PIGO: variants seen among roughly 807,000 people sequenced by gnomAD.
PIGO encodes GPI ethanolamine phosphate transferase 3, catalytic subunit.
Under a neutral mutation model 86.9 loss-of-function variants are expected in PIGO, and 66 were observed. The ratio of observed to expected loss-of-function variants is 0.76; its 90% CI spans 0.62 to 0.93. The LOEUF is 0.93. Among genes scored for constraint, PIGO ranks in the 40% least tolerant of loss-of-function variants. PIGO has a pLI of 0.00. For missense variants in PIGO, 1,202 were observed against 1,359.1 expected, an observed-to-expected ratio of 0.88 and a Z score of 1.82; for synonymous variants, 570 against 556.4, an observed-to-expected ratio of 1.02 and a Z score of -0.34.
In PIGO at chr9:35,091,571, G is replaced by A. The variant is rs761210725; in HGVS notation, c.2316C>T (p.Gly772=). 1.9e-5 allele frequency: 30 copies of A among 1,613,872 alleles called. No homozygotes were observed. Among genetic ancestry groups the A allele is most frequent in the Middle Eastern group, 3.3e-4 (2 of 6,084 alleles). ...PVTVLVKAGA[G]APRTRTVLTP... The stretch of plus-strand genomic sequence containing the variant: ...TGAGGACAGTCCTGGTCCTTGGAGC[G>A]CCTGCCCCAGCCTTCACCAGCACTG... Residue 772 remains glycine, a synonymous_variant, in exon 7 of 11, where the codon GGC becomes GGT. Coordinates refer to ENST00000378617, the MANE Select transcript of PIGO (RefSeq NM_032634.4).
Position 35,092,078 on chromosome 9 carries a change from G to A in PIGO, c.1809C>T (p.Pro603=), listed in dbSNP as rs148443358. The part of the protein sequence containing the change: ...QLLPPKLLTM[P]RLGTSATTNP... ...TTGTTGTGGCTGAAGTGCCAAGGCG[G>A]GGCATTGTGAGTAGCTTAGGTGGAA... Residue 603 remains proline, a synonymous_variant, in exon 7 of 11, where the codon CCC becomes CCT. Transcript: ENST00000378617. 6.2e-7 allele frequency: 1 copy of A among 1,614,120 alleles called. No individual in the cohort carries two copies. Among genetic ancestry groups the A allele is most frequent in the Non-Finnish European group, 8.5e-7 (1 of 1,180,052 alleles).
At position 35,091,400 on chromosome 9, in the gene PIGO, C is replaced by T; in HGVS notation, c.2487G>A (p.Gly829=). ...TGACCATAGCAGCTGAGTAGACACT[C>T]CCCAACTGATAAGCAGCCACAGTCA... ...GPLTVAAYQL[G]SVYSAAMVTA... is the part of the protein sequence containing the mutation. Residue 829 remains glycine (G), a synonymous_variant, in exon 7 of 11, where the codon GGG becomes GGA. Coordinates refer to ENST00000378617, the MANE Select transcript of PIGO (RefSeq NM_032634.4). 6.2e-7 allele frequency: 1 copy of T among 1,614,194 alleles called. No homozygotes were observed. Among genetic ancestry groups the T allele is most frequent in the East Asian group, 2.2e-5 (1 of 44,886 alleles).
Position 35,090,460 on chromosome 9 carries a change from G to A in PIGO, c.2854+6C>T. 1.2e-6 allele frequency: 2 copies of A among 1,606,232 alleles called. No individual in the cohort carries two copies. Among genetic ancestry groups the A allele is most frequent in the South Asian group, 1.1e-5 (1 of 90,692 alleles). ...CAATGGAAGCAAGTGAAGGAGGAGG[G>A]GGTACCTGCAAAGAGGAGGTGGGAG... On this transcript the variant is annotated splice_donor_region_variant and intron_variant, in intron 8 of 10. Transcript: ENST00000378617.
At chr9:35,095,655 C>T (rs1829639516) in intron 1 of PIGO, 89 bp from the exon 2 acceptor site, 3 of 1,385,812 alleles carry the variant, frequency 2.2e-6, no homozygotes, top group South Asian at 1.5e-5. Flanking sequence ...GCTAGAATCA[C>T]TTCCTCCCGG....
rs1829439353 is a variant in PIGO, at chr9:35,091,869, C to T, written c.2018G>A (p.Cys673Tyr). 1 of 1,614,216 alleles carries T rather than the reference C, an allele frequency of 6.2e-7. No homozygotes were observed. Among genetic ancestry groups the T allele is most frequent in the Non-Finnish European group, 8.5e-7 (1 of 1,180,054 alleles). ...GRAKNLWYGA[C>Y]VAALVALLAA... ...TAACAGGGCCACCAGCGCCGCCACA[C>T]AAGCTCCATACCACAAATTCTTGGC... Residue 673 changes from cysteine to tyrosine, a missense_variant, in exon 7 of 11, where the codon TGT (cysteine) becomes TAT (tyrosine). By Grantham distance (194) the Cys-to-Tyr change is radical (BLOSUM62 -2). Coordinates refer to ENST00000378617, the MANE Select transcript of PIGO (RefSeq NM_032634.4).
rs561174794 is a variant in PIGO at position 35,091,698 on chromosome 9, G to C, written c.2189C>G (p.Pro730Arg). The C allele has an allele frequency of 1.2e-5, 20 of 1,612,510 alleles. No homozygotes were observed. Among genetic ancestry groups the C allele is most frequent in the Non-Finnish European group, 1.4e-5 (16 of 1,180,016 alleles). The change falls in exon 7 of 11, where the codon CCC (proline) becomes CGC (arginine). Residue 730 changes from proline (P) to arginine (R), a missense_variant. Pro to Arg is a moderately radical substitution (Grantham distance 103, BLOSUM62 -2). Transcript: ENST00000378617. The part of the protein sequence containing the change: ...ALASGADEAP[P>R]RLRVLVSGAS... ...CCCAGAGACCAGGACCCGGAGACGG[G>C]GGGGAGCCTCATCTGCCCCCGACGC...
rs768176206 is a variant in PIGO, at chr9:35,094,369, C to T, written c.512-10G>A. 7 of 1,596,432 alleles carry T rather than the reference C, an allele frequency of 4.4e-6. No homozygotes were observed. The South Asian group carries it at 4.5e-5, about 10-fold the overall frequency. ...AAGACTACACGCCTTCCTGCAGGGA[C>T]ATGAAAGAGAAGTCAGAGCCTGAGC... On this transcript the variant is annotated splice_polypyrimidine_tract_variant and intron_variant, in intron 2 of 10. Transcript: ENST00000378617.
rs1286011560 is a variant in PIGO at position 35,094,222 on chromosome 9, G to T, written c.649C>A (p.Pro217Thr). 1.3e-6 allele frequency: 2 copies of T among 1,597,762 alleles called. No individual in the cohort carries two copies. The highest frequency in any genetic ancestry group is 2.7e-5 in the African/African-American group (2 of 73,576). Residue 217 changes from proline (P) to threonine (T), a missense_variant, in exon 3 of 11, where the codon CCC becomes ACC. Physicochemically the swap from Pro to Thr is conservative, Grantham distance 38. Transcript: ENST00000378617. Reference sequence around the variant, plus strand: ...GCTCTGGCCCCATGCTCACTGGTGGGGTAGAGGTGTTCCAGGATGCCATTG... The same window carrying T: ...GCTCTGGCCCCATGCTCACTGGTGGTGTAGAGGTGTTCCAGGATGCCATTG... ...VDNGILEHLY[P>T]TMDSGEWDVL... is the part of the protein sequence containing the mutation.
rs1379371864 is a variant in PIGO at position 35,092,406 on chromosome 9, G to C, written c.1481C>G (p.Ala494Gly). The C allele has an allele frequency of 6.2e-7, 1 of 1,614,250 alleles. No individual in the cohort carries two copies. The highest frequency in any genetic ancestry group is 1.7e-5 in the Admixed American group (1 of 60,032). The change falls in exon 7 of 11, where the codon GCC becomes GGC. Residue 494 changes from alanine to glycine, a missense_variant. Transcript: ENST00000378617. ...TCCCAGGAGTCCAGCATACGCTATG[G>C]CCCCAACCAGGCCCCAGGCCACAGG... ...LTPVAWGLVG[A>G]IAYAGLLGTI...
intron 7 of PIGO, 116 bp from the exon 8 acceptor site, chr9:35,090,788 G>T: frequency 1.0e-6 from 1 of 959,518 alleles, no homozygotes; most frequent in Non-Finnish European, 1.5e-6. Context: ...ACACTCAAAT[G>T]CCTATCAGCC....
intron 7 of PIGO, 137 bp downstream of exon 7, chr9:35,091,103 G>T (rs764485917): frequency 2.0e-6 from 2 of 1,000,700 alleles, no homozygotes; most frequent in African/African-American, 3.3e-5. Context: ...AGGACACCAA[G>T]AAGACCTTCC....
Position 35,089,665 on chromosome 9 carries a change from C to T in PIGO, c.3070-215G>A, listed in dbSNP as rs1829325893. 2.8e-6 allele frequency: 4 copies of T among 1,431,214 alleles called. No homozygotes were observed. The East Asian group carries it at 1.0e-4, about 36-fold the overall frequency. The allele number at this position is 1,431,214 out of a possible 1,614,324, so 88.7% of individuals were successfully genotyped here. ...TATGTGACTTTGGGCAAGTCAGTAT[C>T]CATCTGCAATGCTAACACTCAGGCT... On this transcript the variant is annotated intron_variant, in intron 9 of 10. Coordinates refer to ENST00000378617, the MANE Select transcript of PIGO (RefSeq NM_032634.4).
rs1454914276 is a variant in PIGO, at chr9:35,089,128, G to A, written c.3234C>T (p.Ser1078=). The A allele has an allele frequency of 2.5e-6, 4 of 1,614,168 alleles. No individual in the cohort carries two copies. The highest frequency in any genetic ancestry group is 2.5e-6 in the Non-Finnish European group (3 of 1,180,020). Residue 1078 remains serine (S), a synonymous_variant, in exon 11 of 11, where the codon TCC becomes TCT. Transcript: ENST00000378617. ...LVMRVDGAVS[S]WFRQLFLAQQ... The stretch of plus-strand genomic sequence containing the variant: ...GGGCCAGAAATAGCTGCCTGAACCA[G>A]GAGCTCACAGCACCATCCACTCTCA...
rs1330917077 is a variant in PIGO at position 35,091,665 on chromosome 9, A to G, written c.2222T>C (p.Met741Thr). Residue 741 changes from methionine (M) to threonine (T), a missense_variant, in exon 7 of 11, where the codon ATG (methionine) becomes ACG (threonine). By Grantham distance (81) the Met-to-Thr change is moderately conservative. Coordinates refer to ENST00000378617, the MANE Select transcript of PIGO (RefSeq NM_032634.4). ...CCCTGCTACAGCCCGAGGCAGCACC[A>G]TGGATGCCCCAGAGACCAGGACCCG... Reference protein sequence around the residue: ...RLRVLVSGASMVLPRAVAGLA... With the variant: ...RLRVLVSGASTVLPRAVAGLA... The G allele has an allele frequency of 6.2e-7, 1 of 1,613,140 alleles. No homozygotes were observed. The highest frequency in any genetic ancestry group is 8.5e-7 in the Non-Finnish European group (1 of 1,180,024).
intron 8 of PIGO, 78 bp downstream of exon 8, chr9:35,090,388 C>T: frequency 1.3e-6 from 2 of 1,546,392 alleles, no homozygotes; most frequent in South Asian, 1.2e-5. Flanking sequence ...CCATATCTCT[C>T]CATTCAAATC....
rs1482098524 is a variant in PIGO at position 35,090,661 on chromosome 9, C to T, written c.2659G>A (p.Val887Met). The T allele has an allele frequency of 3.1e-6, 5 of 1,613,832 alleles. No individual in the cohort carries two copies. Among genetic ancestry groups the T allele is most frequent in the Non-Finnish European group, 4.2e-6 (5 of 1,179,936 alleles). The stretch of plus-strand genomic sequence containing the variant: ...CAAGCCGAGACTGCCTGCCATGGCA[C>T]AGTAAAAGGACCTGGAAGAAAAGAT... ...IPVTTPGPFTVPWQAVSAWAL... is the reference protein window; with the variant it reads ...IPVTTPGPFTMPWQAVSAWAL... Residue 887 changes from valine (V) to methionine (M), a missense_variant, in exon 8 of 11, where the codon GTG becomes ATG. Transcript: ENST00000378617.
chr9:35,088,979 G>A lies in PIGO; in HGVS notation c.*113C>T. ...AGATGTCAGCGGCCCCTGGCTGCAT[G>A]ATAGTAAGAGTATGGCTGAGCCTGT... is the stretch of plus-strand genomic sequence containing the variant. On this transcript the variant is annotated 3_prime_UTR_variant, in exon 11 of 11. Transcript: ENST00000378617. The A allele has an allele frequency of 2.1e-6, 3 of 1,434,546 alleles. No homozygotes were observed. Among genetic ancestry groups the A allele is most frequent in the Non-Finnish European group, 1.9e-6 (2 of 1,055,746 alleles). The allele number at this position is 1,434,546 out of a possible 1,614,324, so 88.9% of individuals were successfully genotyped here.
At chr9:35,094,934 C>T (rs964769784) in intron 2 of PIGO, 121 bp downstream of exon 2, 3 of 1,362,852 alleles carry the variant, frequency 2.2e-6, no homozygotes, top group Non-Finnish European at 3.0e-6. Flanking sequence ...CTTTCTTCTC[C>T]TCTGTCCCCC....
Position 35,091,519 on chromosome 9 carries a change from G to C in PIGO, c.2368C>G (p.Gln790Glu). Residue 790 changes from glutamine to glutamate, a missense_variant, in exon 7 of 11, where the codon CAA becomes GAA. Gln to Glu is a conservative substitution (Grantham distance 29). Transcript: ENST00000378617. ...GGGACCACATAATCCAAGTCAGCTT[G>C]AGAAGTGGGGGGGCCTGAGAAGGGA... Reference protein sequence around the residue: ...LTPFSGPPTSQADLDYVVPQI... With the variant: ...LTPFSGPPTSEADLDYVVPQI... 6.2e-7 allele frequency: 1 copy of C among 1,614,238 alleles called. No homozygotes were observed. Among genetic ancestry groups the C allele is most frequent in the Non-Finnish European group, 8.5e-7 (1 of 1,180,048 alleles).
Sources: allele counts gnomAD v4.1 joint callset, GRCh38; gene constraint gnomAD v4.1.1; transcripts MANE v1.5; gene names NCBI Gene and HGNC (gene_info 2026-07-23, HGNC 2026-07-21).